Variants in UNC5D observed in about 807,000 individuals in gnomAD.
UNC5D encodes the protein netrin receptor UNC5D.
UNC5D carries 39 observed loss-of-function variants against 105.4 expected under a neutral mutation model. That is an observed-to-expected ratio of 0.37 (90% CI 0.29 to 0.48). The LOEUF is 0.48. Ranked by LOEUF, UNC5D falls within the 20% of genes least tolerant of loss-of-function variation. The probability of loss-of-function intolerance (pLI) is 0.98; values close to 1 mark genes in which losing one functional copy is unlikely to be tolerated. For missense variants in UNC5D, 991 were observed against 1,202.4 expected (o/e 0.82, Z 2.60); for synonymous variants, 452 against 450.4 (o/e 1.00, Z -0.04).
intron 4 of UNC5D, among the ~76,000 whole-genome samples, chr8:35,657,078 G>GTGTGTGTATATATATATATATATATA (rs1823801558): frequency 1.2e-5 from 1 of 80,556 alleles, no homozygotes; most frequent in African/African-American, 5.8e-5. Context: ...GTGTGTGTGT[G>GTGTGTGTATATATATATATATATATA]TGTATATATA....
chr8:35,637,021 G>A (rs1822420574), intron 4 of UNC5D, among the ~76,000 whole-genome samples: 1 of 152,122 alleles, frequency 6.6e-6, no homozygotes, highest in African/African-American at 2.4e-5. Context: ...CTTCCAATGA[G>A]GATGAAATGT....
intron 1 of UNC5D, among the ~76,000 whole-genome samples, chr8:35,287,917 C>A (rs1324103760): frequency 6.6e-6 from 1 of 151,946 alleles, no homozygotes; most frequent in Non-Finnish European, 1.5e-5. Flanking sequence ...CGAATCAAAG[C>A]AGTAAAAATC....
At chr8:35,662,340 A>C (rs921382658) in intron 4 of UNC5D, among the ~76,000 whole-genome samples, 1 of 152,184 alleles carries the variant, frequency 6.6e-6, no homozygotes, top group Non-Finnish European at 1.5e-5. Context: ...TTGAAGTTGC[A>C]GTAGTTCGTA....
intron 4 of UNC5D, among the ~76,000 whole-genome samples, chr8:35,664,010 C>T (rs1824271860): frequency 6.6e-6 from 1 of 152,180 alleles, no homozygotes; most frequent in African/African-American, 2.4e-5. Flanking sequence ...GGTTACAGTC[C>T]TATCTTGCAT....
chr8:35,664,306 A>G (rs1586368673), intron 4 of UNC5D, among the ~76,000 whole-genome samples: 1 of 152,226 alleles, frequency 6.6e-6, no homozygotes, highest in East Asian at 1.9e-4. Context: ...TTCTGCTGCC[A>G]TGTTGCTTGG....
intron 1 of UNC5D, among the ~76,000 whole-genome samples, chr8:35,298,242 G>A (rs1434243502): frequency 6.6e-6 from 1 of 152,148 alleles, no homozygotes; most frequent in Non-Finnish European, 1.5e-5. Flanking sequence ...CCAAGTTTAA[G>A]GGAAGTCAAC....
chr8:35,677,120 C>A (rs529666990), intron 4 of UNC5D, among the ~76,000 whole-genome samples: 7 of 152,210 alleles, frequency 4.6e-5, no homozygotes, highest in Admixed American at 6.5e-5. Flanking sequence ...CCACGGTCAT[C>A]ACATTCCTAT....
At chr8:35,552,708 G>A (rs1396333785) in intron 2 of UNC5D, among the ~76,000 whole-genome samples, 1 of 152,140 alleles carries the variant, frequency 6.6e-6, no homozygotes, top group Non-Finnish European at 1.5e-5. Flanking sequence ...TTGAATCTTG[G>A]TTTCAGGAAC....
chr8:35,419,694 TG>T (rs1805765477), intron 1 of UNC5D, among the ~76,000 whole-genome samples: 2 of 151,504 alleles, frequency 1.3e-5, no homozygotes, highest in Admixed American at 1.3e-4. Flanking sequence ...ACAAACAGGG[TG>T]GGGTATGTGG....
chr8:35,649,879 G>A (rs1292039743), intron 4 of UNC5D, among the ~76,000 whole-genome samples: 3 of 152,134 alleles, frequency 2.0e-5, no homozygotes, highest in Admixed American at 2.0e-4. Flanking sequence ...GGAGAAACCC[G>A]ATGACTGAAT....
intron 7 of UNC5D, among the ~76,000 whole-genome samples, chr8:35,688,162 A>AAC (rs1333252124): frequency 1.7e-5 from 2 of 116,826 alleles, no homozygotes; most frequent in African/African-American, 1.2e-4. Flanking sequence ...CAACAACAAC[A>AAC]AAAAAAAACA....
chr8:35,681,619 A>G (rs1453284769), intron 4 of UNC5D, among the ~76,000 whole-genome samples: 2 of 152,216 alleles, frequency 1.3e-5, no homozygotes, highest in East Asian at 3.9e-4. Context: ...CATTGTTAGT[A>G]CCTACACTTC....
intron 1 of UNC5D, among the ~76,000 whole-genome samples, chr8:35,247,381 C>T (rs1014860329): frequency 3.4e-5 from 5 of 146,720 alleles, no homozygotes; most frequent in Non-Finnish European, 4.5e-5. Context: ...ATTATAGATT[C>T]GTTTTGTGTT....
At chr8:35,442,168 G>C (rs1807450247) in intron 1 of UNC5D, among the ~76,000 whole-genome samples, 1 of 151,766 alleles carries the variant, frequency 6.6e-6, no homozygotes, top group Non-Finnish European at 1.5e-5. Flanking sequence ...GGTGGTTTTT[G>C]TTGTTTTTTA....
chr8:35,607,311 C>G (rs1820357443), intron 4 of UNC5D, among the ~76,000 whole-genome samples: 1 of 152,160 alleles, frequency 6.6e-6, no homozygotes, highest in East Asian at 1.9e-4. Context: ...TCCCAGGCTG[C>G]TGTAATAAAT....
At chr8:35,550,802 T>C (rs1816075807) in intron 2 of UNC5D, among the ~76,000 whole-genome samples, 1 of 152,162 alleles carries the variant, frequency 6.6e-6, no homozygotes, top group Non-Finnish European at 1.5e-5. Context: ...AAAGGAACAT[T>C]GATGAATATG....
intron 1 of UNC5D, among the ~76,000 whole-genome samples, chr8:35,384,290 CTG>C (rs1803244496): frequency 6.6e-6 from 1 of 151,946 alleles, no homozygotes; most frequent in Non-Finnish European, 1.5e-5. Context: ...AAAATTAACT[CTG>C]TTTCCCACGG....
chr8:35,707,468 T>C (rs1213586606), intron 8 of UNC5D, among the ~76,000 whole-genome samples: 1 of 152,130 alleles, frequency 6.6e-6, no homozygotes, highest in Non-Finnish European at 1.5e-5. Flanking sequence ...GCTGTGTATA[T>C]GTGTGTTCAT....
At chr8:35,728,095 A>AAATAT (rs34672872) in intron 10 of UNC5D, among the ~76,000 whole-genome samples, 135 of 110,314 alleles carry the variant, frequency 1.2e-3, no homozygotes, top group African/African-American at 5.9e-3. Flanking sequence ...AAAAAAAAAA[A>AAATAT]ATATATATAT....
Sources: allele counts gnomAD v4.1 joint callset (sites outside exome capture counted in the v4.1 genomes callset), GRCh38; gene constraint gnomAD v4.1.1; transcripts MANE v1.5; gene names NCBI Gene and HGNC (gene_info 2026-07-23, HGNC 2026-07-21).